OR1J2: variants seen among roughly 807,000 people sequenced by gnomAD.
OR1J2 encodes the protein olfactory receptor 1J2.
For synonymous variants in OR1J2, 142 were observed against 99.7 expected (o/e 1.42, Z -2.52); for missense variants, 304 against 246.1 (o/e 1.24, Z -1.57).
the OR1J2 span, among the ~76,000 whole-genome samples, chr9:122,539,734 G>A: frequency 6.6e-6 from 1 of 152,202 alleles, no homozygotes; most frequent in South Asian, 2.1e-4. Flanking sequence ...CCCACCAACA[G>A]TGTAAGAGTG....
At chr9:122,495,062 C>A in the OR1J2 span, among the ~76,000 whole-genome samples, 1 of 152,164 alleles carries the variant, frequency 6.6e-6, no homozygotes, top group South Asian at 2.1e-4. Flanking sequence ...TGCTGTTAAT[C>A]TGATAGGTTT....
chr9:122,544,497 C>T, the OR1J2 span, among the ~76,000 whole-genome samples: 18 of 149,372 alleles, frequency 1.2e-4, no homozygotes, highest in Middle Eastern at 3.5e-3. Context: ...CTCAGCTCAC[C>T]GCACCCTCCG....
At chr9:122,514,180 C>T (rs1243477628), downstream of OR1J2, among the ~76,000 whole-genome samples, 1 of 151,474 alleles carries the variant, frequency 6.6e-6, no homozygotes, top group Non-Finnish European at 1.5e-5. Context: ...GGTGCATGTC[C>T]AGGTTTGTTA....
At chr9:122,504,752 T>C in the OR1J2 span, among the ~76,000 whole-genome samples, 1 of 152,128 alleles carries the variant, frequency 6.6e-6, no homozygotes, top group East Asian at 1.9e-4. Flanking sequence ...CCTTTGTCTT[T>C]GCTTTACAGT....
chr9:122,549,325 ATGCTGGCACTATCCTT>A, the OR1J2 span, among the ~76,000 whole-genome samples: 1 of 152,162 alleles, frequency 6.6e-6, no homozygotes, highest in Admixed American at 6.6e-5. Context: ...CCAGAAGCAG[ATGCTGGCACTATCCTT>A]TGTGTACAGC....
the OR1J2 span, among the ~76,000 whole-genome samples, chr9:122,468,181 A>G: frequency 6.6e-6 from 1 of 152,226 alleles, no homozygotes; most frequent in Non-Finnish European, 1.5e-5. Flanking sequence ...TGGCTGCTTA[A>G]GGTCATAATG....
upstream of OR1J2, among the ~76,000 whole-genome samples, chr9:122,508,904 G>A (rs1471588129): frequency 6.6e-6 from 1 of 152,162 alleles, no homozygotes; most frequent in Non-Finnish European, 1.5e-5. Context: ...TCTTCGAGAG[G>A]TTCTAGAGCA....
the OR1J2 span, among the ~76,000 whole-genome samples, chr9:122,536,350 T>C: frequency 5.3e-5 from 8 of 152,192 alleles, no homozygotes; most frequent in Non-Finnish European, 8.8e-5. Flanking sequence ...AAAGAATTCT[T>C]ATGCTTCTGG....
chr9:122,532,979 A>T, the OR1J2 span, among the ~76,000 whole-genome samples: 1 of 152,084 alleles, frequency 6.6e-6, no homozygotes. Flanking sequence ...GCTTGACTGA[A>T]GTAAAGGGGG....
chr9:122,474,205 C>T, the OR1J2 span, among the ~76,000 whole-genome samples: 3 of 152,160 alleles, frequency 2.0e-5, no homozygotes, highest in African/African-American at 7.2e-5. Flanking sequence ...TACTTGTTGT[C>T]TGTTAAATCT....
chr9:122,454,310 G>A, the OR1J2 span, among the ~76,000 whole-genome samples: 1 of 152,140 alleles, frequency 6.6e-6, no homozygotes, highest in Non-Finnish European at 1.5e-5. Context: ...TTGAGGCCAG[G>A]AGTTTGAGAC....
the OR1J2 span, among the ~76,000 whole-genome samples, chr9:122,535,112 A>G: frequency 6.6e-6 from 1 of 151,596 alleles, no homozygotes; most frequent in East Asian, 1.9e-4. Flanking sequence ...GAAAAGAGAG[A>G]GTAGAGACAT....
the OR1J2 span, chr9:122,477,379 G>A: frequency 6.2e-7 from 1 of 1,614,050 alleles, no homozygotes; most frequent in East Asian, 2.2e-5. Context: ...CTTGAGCAGG[G>A]CACCAAGGTC....
At chr9:122,494,395 A>T in the OR1J2 span, among the ~76,000 whole-genome samples, 1 of 151,958 alleles carries the variant, frequency 6.6e-6, no homozygotes, top group Non-Finnish European at 1.5e-5. Context: ...TAAAATTGTG[A>T]TATTTTCTTG....
the OR1J2 span, among the ~76,000 whole-genome samples, chr9:122,498,151 A>G: frequency 5.5e-4 from 84 of 151,946 alleles, no homozygotes; most frequent in Middle Eastern, 0.014. Flanking sequence ...AAGAATGTAT[A>G]TTCTGTGGTT....
At chr9:122,499,282 G>C in the OR1J2 span, among the ~76,000 whole-genome samples, 14 of 152,248 alleles carry the variant, frequency 9.2e-5, no homozygotes, top group Admixed American at 4.6e-4. Context: ...CTTAGTTCCA[G>C]GTTCTCTGCA....
At chr9:122,488,815 A>T in the OR1J2 span, among the ~76,000 whole-genome samples, 1 of 152,230 alleles carries the variant, frequency 6.6e-6, no homozygotes, top group Admixed American at 6.5e-5. Flanking sequence ...TGTGGCAAGA[A>T]TTTTGTGAGG....
the OR1J2 span, among the ~76,000 whole-genome samples, chr9:122,457,308 A>G: frequency 2.0e-5 from 3 of 152,144 alleles, no homozygotes; most frequent in Non-Finnish European, 2.9e-5. Flanking sequence ...GATAGGTGCA[A>G]CAAACCACCA....
the OR1J2 span, among the ~76,000 whole-genome samples, chr9:122,459,311 C>A: frequency 1.3e-5 from 2 of 152,128 alleles, no homozygotes; most frequent in African/African-American, 4.8e-5. Flanking sequence ...AGATACCTAG[C>A]AATAAGATTG....
Sources: allele counts gnomAD v4.1 joint callset (sites outside exome capture counted in the v4.1 genomes callset), GRCh38; gene constraint gnomAD v4.1.1; transcripts MANE v1.5; gene names NCBI Gene and HGNC (gene_info 2026-07-23, HGNC 2026-07-21).